Variants in EPHB3 observed in about 807,000 individuals in gnomAD.
The protein encoded by EPHB3 is EPH receptor B3.
EPHB3 carries 33 observed loss-of-function variants against 100.2 expected under a neutral mutation model. The ratio of observed to expected loss-of-function variants is 0.33; its 90% confidence interval spans 0.25 to 0.44. EPHB3 has a LOEUF of 0.44. EPHB3 is among the 20% of genes least tolerant of loss of function. The pLI is 1.00. For missense variants in EPHB3, 1,045 were observed against 1,378.3 expected (o/e 0.76, Z 3.83); for synonymous variants, 526 against 554.7 (o/e 0.95, Z 0.73).
rs1488714038 is a variant in EPHB3 at position 184,571,483 on chromosome 3, C to T, written c.183+101C>T. ...CATCTCACCAGGGCCTGGAGGAGGG[C>T]TGCCTCTGCCCTCTGCCTGTCACCC... On this transcript the variant is annotated intron_variant, in intron 2 of 15. Coordinates refer to ENST00000330394, the MANE Select transcript of EPHB3 (RefSeq NM_004443.4). This position sits in a 1 kb window ranked among gnomAD's most constrained non-coding sequence, Gnocchi z 5.0. 9.5e-6 allele frequency: 12 copies of T among 1,259,392 alleles called. No individual in the cohort carries two copies. Among genetic ancestry groups the T allele is most frequent in the Non-Finnish European group, 1.3e-5 (11 of 872,860 alleles). 78.0% of individuals were successfully genotyped at this position (1,259,392 alleles called of 1,614,324 possible). A position where few individuals can be genotyped will look rare whatever the true frequency, so the allele number is the denominator to read the frequency against.
intron 1 of EPHB3, among the ~76,000 whole-genome samples, chr3:184,570,068 G>T (rs886125100): frequency 6.6e-6 from 1 of 152,164 alleles, no homozygotes; most frequent in Non-Finnish European, 1.5e-5. Flanking sequence ...AAACATTAAC[G>T]GGCCCCTCCT....
At position 184,577,751 on chromosome 3, in the gene EPHB3, G is replaced by A. The variant is rs1714713999; in HGVS notation, c.1573G>A (p.Ala525Thr). The A allele has an allele frequency of 6.2e-7, 1 of 1,611,660 alleles. No individual in the cohort carries two copies. The highest frequency in any genetic ancestry group is 1.3e-5 in the African/African-American group (1 of 74,896). ...PDARYVVQVR[A>T]RTVAGYGQYS... ...CGCCCGCTATGTGGTCCAGGTCCGT[G>A]CCCGCACAGTAGCTGGCTATGGGCA... Residue 525 changes from alanine to threonine, a missense_variant, in exon 7 of 16, where the codon GCC (alanine) becomes ACC (threonine). Physicochemically the swap from Ala to Thr is moderately conservative, Grantham distance 58 (BLOSUM62 0). Coordinates refer to ENST00000330394, the MANE Select transcript of EPHB3 (RefSeq NM_004443.4). The surrounding 1 kb of genome is among the most constrained non-coding windows in gnomAD (Gnocchi z 4.9).
Position 184,579,386 on chromosome 3 carries a change from G to T in EPHB3, c.1802-91G>T. On this transcript the variant is annotated intron_variant, in intron 9 of 15. Transcript: ENST00000330394. This position sits in a 1 kb window ranked among gnomAD's most constrained non-coding sequence, Gnocchi z 5.2. ...CAGCAACACAGAGGAATATGGGGCTGGGCTCAGCAGGGAGCCTGCTGGAGC... is the reference window on the plus strand; with the variant it reads ...CAGCAACACAGAGGAATATGGGGCTTGGCTCAGCAGGGAGCCTGCTGGAGC... The T allele has an allele frequency of 6.4e-7, 1 of 1,555,978 alleles. No homozygotes were observed. Among genetic ancestry groups the T allele is most frequent in the Non-Finnish European group, 8.7e-7 (1 of 1,144,866 alleles).
At chr3:184,575,467 T>C (rs972400564) in intron 3 of EPHB3, among the ~76,000 whole-genome samples, 1 of 152,030 alleles carries the variant, frequency 6.6e-6, no homozygotes, top group African/African-American at 2.4e-5. Context: ...CAGTGCCGGG[T>C]GCTGCTAGCC....
intron 3 of EPHB3, 111 bp from the exon 4 acceptor site, chr3:184,575,719 G>T: frequency 7.5e-7 from 1 of 1,339,108 alleles, no homozygotes; most frequent in Non-Finnish European, 1.0e-6. Context: ...AGTCTAGGAG[G>T]TGGAGGGGCC....
chr3:184,569,209 G>C lies in EPHB3; in HGVS notation c.119-2109G>C, dbSNP rs1714477885. ...GGCGGGCGGACCGGCGGGCGGACCGGCGGGAGGACTGGCTGCGGGGGCAGG... is the reference window on the plus strand; with the variant it reads ...GGCGGGCGGACCGGCGGGCGGACCGCCGGGAGGACTGGCTGCGGGGGCAGG... On this transcript the variant is annotated intron_variant, in intron 1 of 15. Coordinates refer to ENST00000330394, the MANE Select transcript of EPHB3 (RefSeq NM_004443.4). The surrounding 1 kb of genome is among the most constrained non-coding windows in gnomAD (Gnocchi z 5.4). 6.6e-6 allele frequency among the ~76,000 whole-genome samples: 1 copy of C among 152,056 alleles called. No homozygotes were observed. The highest frequency in any genetic ancestry group is 1.5e-5 in the Non-Finnish European group (1 of 67,950).
Position 184,582,273 on chromosome 3 carries a change from TGTGTGC to T in EPHB3, c.*653_*658del, listed in dbSNP as rs747500398. ...GTGTGAGTGTGTGTGTGTGTGTGTGTGTGTGCGCGCGCGCGCGCGTGTGTGTGTGCA... is the reference window on the plus strand; with the variant it reads ...GTGTGAGTGTGTGTGTGTGTGTGTGTGCGCGCGCGCGCGTGTGTGTGTGCA... On this transcript the variant is annotated 3_prime_UTR_variant, in exon 16 of 16. Coordinates refer to ENST00000330394, the MANE Select transcript of EPHB3 (RefSeq NM_004443.4). The T allele has an allele frequency of 0.047, 2,645 of 56,314 alleles. 104 individuals are homozygous for T. Among genetic ancestry groups the T allele is most frequent in the East Asian group, 0.17 (369 of 2,224 alleles). 3.5% of individuals were successfully genotyped at this position (56,314 alleles called of 1,614,324 possible).
At chr3:184,564,891 T>TG (rs1010935683) in intron 1 of EPHB3, among the ~76,000 whole-genome samples, 1 of 151,982 alleles carries the variant, frequency 6.6e-6, no homozygotes, top group Non-Finnish European at 1.5e-5. Flanking sequence ...GCTTGACAGG[T>TG]GGGGGGTCTA....
At chr3:184,566,673 C>G (rs1714393633) in intron 1 of EPHB3, among the ~76,000 whole-genome samples, 1 of 152,142 alleles carries the variant, frequency 6.6e-6, no homozygotes, top group Non-Finnish European at 1.5e-5. Flanking sequence ...TGGCATAGCA[C>G]TGCTCCAGGC....
chr3:184,578,616 T>C lies in EPHB3; in HGVS notation c.1801+150T>C. ...GTCAAGTGGCATTTCCTGACCCCTA[T>C]CTCACTCCGGGTACCCTGGGCCCCT... On this transcript the variant is annotated intron_variant, in intron 9 of 15. Coordinates refer to ENST00000330394, the MANE Select transcript of EPHB3 (RefSeq NM_004443.4). This position sits in a 1 kb window ranked among gnomAD's most constrained non-coding sequence, Gnocchi z 4.7. The C allele has an allele frequency of 9.8e-7, 1 of 1,023,754 alleles. No homozygotes were observed. Among genetic ancestry groups the C allele is most frequent in the Non-Finnish European group, 1.4e-6 (1 of 696,248 alleles). The allele number at this position is 1,023,754 out of a possible 1,614,324, so 63.4% of individuals were successfully genotyped here.
Position 184,562,504 on chromosome 3 carries a change from G to A in EPHB3, c.118+151G>A. ...CGGGGCCCAGGGATGGGGTGGGGAG[G>A]CCGCCCCTGGAGCCGCCTCGGAGGC... is the stretch of plus-strand genomic sequence containing the variant. On this transcript the variant is annotated intron_variant, in intron 1 of 15. Transcript: ENST00000330394. The surrounding 1 kb of genome is among the most constrained non-coding windows in gnomAD (Gnocchi z 4.8). 9.1e-7 allele frequency: 1 copy of A among 1,093,796 alleles called. No homozygotes were observed. The highest frequency in any genetic ancestry group is 1.1e-6 in the Non-Finnish European group (1 of 884,960). 67.8% of individuals were successfully genotyped at this position (1,093,796 alleles called of 1,614,324 possible).
Position 184,572,690 on chromosome 3 carries a change from G to A in EPHB3, c.370G>A (p.Gly124Ser). ...RDCNSIPNIP[G>S]SCKETFNLFY... ...CTGCAACAGCATCCCCAACATCCCC[G>A]GCTCCTGCAAGGAGACCTTCAACCT... Residue 124 changes from glycine (G) to serine (S), a missense_variant, in exon 3 of 16, where the codon GGC becomes AGC. By Grantham distance (56) the Gly-to-Ser change is moderately conservative. This residue lies in a region of EPHB3 where 985 missense variants were observed against 1,331.1 expected (regional missense o/e 0.74). Coordinates refer to ENST00000330394, the MANE Select transcript of EPHB3 (RefSeq NM_004443.4). The surrounding 1 kb of genome is among the most constrained non-coding windows in gnomAD (Gnocchi z 6.6). The A allele has an allele frequency of 8.1e-6, 13 of 1,608,676 alleles. No individual in the cohort carries two copies. Among genetic ancestry groups the A allele is most frequent in the Non-Finnish European group, 1.1e-5 (13 of 1,177,594 alleles).
rs894129056 is a variant in EPHB3, at chr3:184,577,553, C to T, written c.1479+86C>T. 6 of 1,591,062 alleles carry T rather than the reference C, an allele frequency of 3.8e-6. No homozygotes were observed. In the Admixed American group the frequency reaches 5.1e-5, roughly 14 times the overall value. ...CGGATCATGATGGGGCCCTTGGGAG[C>T]AAGGCCTTGGGTATGGAGGGGGCAT... On this transcript the variant is annotated intron_variant, in intron 6 of 15. Transcript: ENST00000330394. This position sits in a 1 kb window ranked among gnomAD's most constrained non-coding sequence, Gnocchi z 4.9.
At position 184,579,860 on chromosome 3, in the gene EPHB3, G is replaced by A. The variant is rs771992201; in HGVS notation, c.2098G>A (p.Val700Met). ...CCCCAATATAATCCGGCTCGAGGGC[G>A]TGGTCACCAAAAGTCGGCCAGTTAT... ...DHPNIIRLEG[V>M]VTKSRPVMIL... is the part of the protein sequence containing the mutation. The change falls in exon 11 of 16, where the codon GTG (valine) becomes ATG (methionine). Residue 700 changes from valine (V) to methionine (M), a missense_variant. Around this residue, in one of 2 missense-constraint regions of EPHB3, gnomAD observed 985 missense variants for 1,331.1 expected, o/e 0.74. Coordinates refer to ENST00000330394, the MANE Select transcript of EPHB3 (RefSeq NM_004443.4). The surrounding 1 kb of genome is among the most constrained non-coding windows in gnomAD (Gnocchi z 5.2). The A allele has an allele frequency of 5.0e-6, 8 of 1,613,756 alleles. No homozygotes were observed. The highest frequency in any genetic ancestry group is 6.8e-6 in the Non-Finnish European group (8 of 1,179,984).
In EPHB3 at chr3:184,572,615, C is replaced by T. The variant is rs777512461; in HGVS notation, c.295C>T (p.Arg99Trp). Residue 99 changes from arginine (R) to tryptophan (W), a missense_variant, in exon 3 of 16, where the codon CGG becomes TGG. Coordinates refer to ENST00000330394, the MANE Select transcript of EPHB3 (RefSeq NM_004443.4). The surrounding 1 kb of genome is among the most constrained non-coding windows in gnomAD (Gnocchi z 6.6). ...CTGGCTTCGCACGGGGTTCATCTGG[C>T]GGCGGGATGTGCAGCGGGTCTACGT... ...NNWLRTGFIW[R>W]RDVQRVYVEL... 6.4e-7 allele frequency: 1 copy of T among 1,553,140 alleles called. No individual in the cohort carries two copies. Among genetic ancestry groups the T allele is most frequent in the Non-Finnish European group, 8.7e-7 (1 of 1,149,744 alleles).
At position 184,581,338 on chromosome 3, in the gene EPHB3, G is replaced by C; in HGVS notation, c.2818G>C (p.Gly940Arg). The change falls in exon 15 of 16, where the codon GGG becomes CGG. Residue 940 changes from glycine to arginine, a missense_variant. Coordinates refer to ENST00000330394, the MANE Select transcript of EPHB3 (RefSeq NM_004443.4). ...VGDWLDAIKMGRYKESFVSAG... is the reference protein window; with the variant it reads ...VGDWLDAIKMRRYKESFVSAG... ...TGATTGGCTGGATGCCATCAAGATG[G>C]GGCGGTACAAGGAGAGCTTCGTCAG... The C allele has an allele frequency of 6.2e-7, 1 of 1,610,520 alleles. No individual in the cohort carries two copies. Among genetic ancestry groups the C allele is most frequent in the South Asian group, 1.1e-5 (1 of 90,376 alleles).
chr3:184,567,673 A>C (rs754135722), intron 1 of EPHB3, among the ~76,000 whole-genome samples: 4 of 152,222 alleles, frequency 2.6e-5, no homozygotes, highest in Non-Finnish European at 1.5e-5. Context: ...GACTAAAAGC[A>C]TGTCGCCAAG....
intron 1 of EPHB3, among the ~76,000 whole-genome samples, chr3:184,568,381 G>T (rs969636475): frequency 1.3e-5 from 2 of 152,194 alleles, no homozygotes; most frequent in African/African-American, 2.4e-5. Flanking sequence ...GACGGCGAGG[G>T]ATGGGGTGCA....
Position 184,573,011 on chromosome 3 carries a change from C to T in EPHB3, c.691C>T (p.Pro231Ser). 6.2e-7 allele frequency: 1 copy of T among 1,612,258 alleles called. No homozygotes were observed. Among genetic ancestry groups the T allele is most frequent in the Non-Finnish European group, 8.5e-7 (1 of 1,179,414 alleles). ...LFPETLTGAEPTSLVIAPGTC... is the reference protein window; with the variant it reads ...LFPETLTGAESTSLVIAPGTC... ...CCCCGAGACCCTCACTGGGGCGGAG[C>T]CCACCTCGCTGGTCATTGCTCCTGG... is the stretch of plus-strand genomic sequence containing the variant. Residue 231 changes from proline to serine, a missense_variant, in exon 3 of 16, where the codon CCC (proline) becomes TCC (serine). Coordinates refer to ENST00000330394, the MANE Select transcript of EPHB3 (RefSeq NM_004443.4). The surrounding 1 kb of genome is among the most constrained non-coding windows in gnomAD (Gnocchi z 4.5).
Sources: gnomAD v4.1 joint callset for allele counts (sites outside exome capture counted in the v4.1 genomes callset) on GRCh38, gnomAD v4.1.1 for gene constraint, gnomAD v4.1.1 regional missense constraint, Gnocchi (gnomAD v3.1) non-coding constraint, MANE v1.5 for transcripts, NCBI Gene and HGNC (gene_info 2026-07-23, HGNC 2026-07-21) for gene names.